The following ZNF124 variants were observed in gnomAD, a reference collection of about 807,000 sequenced individuals.
The protein encoded by ZNF124 is zinc finger protein HZF-16.
Under a neutral mutation model 26.6 loss-of-function variants are expected in ZNF124, and 25 were observed. The observed-to-expected ratio is 0.94, with a 90% CI of 0.68 to 1.31. The LOEUF (loss-of-function observed/expected upper bound fraction) is 1.31. Among genes scored for constraint, ZNF124 ranks in the 40% most tolerant of loss-of-function variants. ZNF124 has a pLI of 0.00. For missense variants in ZNF124, 444 were observed against 422.2 expected (o/e 1.05, Z -0.45); for synonymous variants, 129 against 133.3 (o/e 0.97, Z 0.22).
At chr1:247,158,868 A>G in intron 3 of ZNF124, 138 bp downstream of exon 3, 1 of 712,378 alleles carries the variant, frequency 1.4e-6, no homozygotes, top group Non-Finnish European at 2.3e-6. Context: ...ACCTCAGGTG[A>G]TCCGCCCACC....
intron 3 of ZNF124, among the ~76,000 whole-genome samples, chr1:247,148,116 A>G (rs1418339771): frequency 1.3e-5 from 2 of 152,148 alleles, no homozygotes; most frequent in African/African-American, 4.8e-5. Context: ...AGCTTTGTGG[A>G]CTCCTCATTC....
intron 3 of ZNF124, among the ~76,000 whole-genome samples, chr1:247,134,305 C>G (rs1672435876): frequency 6.6e-6 from 1 of 152,160 alleles, no homozygotes; most frequent in African/African-American, 2.4e-5. Context: ...AAGACTTGGA[C>G]TGGCAAATTG....
At chr1:247,126,428 C>T (rs1414661085) in intron 3 of ZNF124, among the ~76,000 whole-genome samples, 1 of 32,206 alleles carries the variant, frequency 3.1e-5, no homozygotes, top group African/African-American at 1.5e-4. Context: ...GTGTGCCCGG[C>T]CTTTGTCTCT....
Position 247,156,933 on chromosome 1 carries a change from C to G in ZNF124, c.689G>C (p.Gly230Ala), listed in dbSNP as rs768979801. The G allele has an allele frequency of 1.2e-6, 2 of 1,613,766 alleles. No homozygotes were observed. The highest frequency in any genetic ancestry group is 2.2e-5 in the East Asian group (1 of 44,876). The change falls in exon 4 of 4, where the codon GGA becomes GCA. Residue 230 changes from glycine (G) to alanine (A), a missense_variant. Gly to Ala is a moderately conservative substitution (Grantham distance 60). Coordinates refer to ENST00000543802, the MANE Select transcript of ZNF124 (RefSeq NM_001297568.2). ...CLHYHERTHT[G>A]EKPYVCMECG... ...TTCCATGCACACATAAGGTTTCTCT[C>G]CAGTGTGAGTTCTTTCATGGTAATG...
intron 3 of ZNF124, among the ~76,000 whole-genome samples, chr1:247,124,773 T>C (rs1672167919): frequency 6.6e-6 from 1 of 152,124 alleles, no homozygotes; most frequent in African/African-American, 2.4e-5. Context: ...TCAAGGTTCA[T>C]TCATGTTGTA....
intron 3 of ZNF124, among the ~76,000 whole-genome samples, chr1:247,143,531 A>G (rs3844080): frequency 0.48 from 72,577 of 152,040 alleles, 20,857 homozygotes; most frequent in African/African-American, 0.81. Flanking sequence ...TTTACTACAC[A>G]CAGACTGGAA....
chr1:247,127,727 C>T (rs1043797413), intron 3 of ZNF124, among the ~76,000 whole-genome samples: 4 of 149,068 alleles, frequency 2.7e-5, no homozygotes, highest in African/African-American at 9.8e-5. Flanking sequence ...CTTGCTCAAT[C>T]GATCACGACC....
At chr1:247,123,709 T>C in exon 4 of ZNF124, 1 of 580,356 alleles carries the variant, frequency 1.7e-6, no homozygotes, top group Non-Finnish European at 3.1e-6. Context: ...GAAGAGTTAC[T>C]TTCCAGGACT....
At chr1:247,158,878 C>G in intron 3 of ZNF124, 128 bp downstream of exon 3, 7 of 815,772 alleles carry the variant, frequency 8.6e-6, no homozygotes, top group Non-Finnish European at 1.1e-5. Flanking sequence ...ATCCGCCCAC[C>G]TCAGCATCCC....
At chr1:247,148,044 G>A (rs1672832295) in intron 3 of ZNF124, among the ~76,000 whole-genome samples, 1 of 152,232 alleles carries the variant, frequency 6.6e-6, no homozygotes, top group Non-Finnish European at 1.5e-5. Flanking sequence ...GCAGCCTGTT[G>A]ACTGCTTTCA....
chr1:247,162,963 C>CA (rs1673570525), intron 1 of ZNF124, among the ~76,000 whole-genome samples: 1 of 152,020 alleles, frequency 6.6e-6, no homozygotes, highest in Non-Finnish European at 1.5e-5. Flanking sequence ...AACTCTTCAC[C>CA]AAAAAACAAC....
At chr1:247,125,674 C>CCCGCCTTGGCCTCCCAAAGT (rs1402772635) in intron 3 of ZNF124, among the ~76,000 whole-genome samples, 4 of 151,046 alleles carry the variant, frequency 2.6e-5, no homozygotes, top group Admixed American at 6.6e-5. Flanking sequence ...TCGTGATCGG[C>CCCGCCTTGGCCTCCCAAAGT]GCCGGCGCCG....
chr1:247,132,894 T>C (rs570164613), intron 3 of ZNF124, among the ~76,000 whole-genome samples: 1 of 152,296 alleles, frequency 6.6e-6, no homozygotes, highest in Non-Finnish European at 1.5e-5. Context: ...GGGACGGAAT[T>C]GCTCACTCAG....
At chr1:247,152,418 T>C (rs1253949945), downstream of ZNF124, among the ~76,000 whole-genome samples, 1 of 151,722 alleles carries the variant, frequency 6.6e-6, no homozygotes, top group African/African-American at 2.4e-5. Flanking sequence ...AGAGTAGGTA[T>C]TGTGAACGCA....
At chr1:247,147,015 G>T (rs1159933238) in intron 3 of ZNF124, among the ~76,000 whole-genome samples, 1 of 152,046 alleles carries the variant, frequency 6.6e-6, no homozygotes, top group African/African-American at 2.4e-5. Flanking sequence ...GTGCAAATTT[G>T]GGGGGAGTTA....
intron 3 of ZNF124, among the ~76,000 whole-genome samples, chr1:247,134,641 C>CTG (rs1265148332): frequency 6.6e-6 from 1 of 152,200 alleles, no homozygotes; most frequent in African/African-American, 2.4e-5. Flanking sequence ...AATTACACTC[C>CTG]TGTGTAATAA....
intron 3 of ZNF124, among the ~76,000 whole-genome samples, chr1:247,148,951 CAG>C (rs1363627167): frequency 6.6e-6 from 1 of 150,986 alleles, no homozygotes; most frequent in African/African-American, 2.4e-5. Context: ...GCCTGGGTGA[CAG>C]AGTGAGACTC....
rs80003370 is a variant in ZNF124 at position 247,123,227 on chromosome 1, C to T, written c.*641G>A. 219 of 151,894 alleles carry T rather than the reference C, an allele frequency of 1.4e-3. 6 individuals carry two copies. In the East Asian group the frequency reaches 0.038, roughly 26 times the overall value. 9.4% of individuals were successfully genotyped at this position (151,894 alleles called of 1,614,324 possible). A position where few individuals can be genotyped will look rare whatever the true frequency, so the allele number is the denominator to read the frequency against. ...TTTTTTTTTTTCTGAGACGGAGTCT[C>T]GCTCTGTCACGCAGGCTGGAGTACA... On this transcript the variant is annotated 3_prime_UTR_variant, in exon 4 of 4. Transcript: ENST00000472531.
intron 3 of ZNF124, among the ~76,000 whole-genome samples, chr1:247,135,889 A>T (rs1045449747): frequency 6.6e-6 from 1 of 152,222 alleles, no homozygotes. Flanking sequence ...AAATCAATAA[A>T]CATAATCCAT....
Sources: allele counts gnomAD v4.1 joint callset (sites outside exome capture counted in the v4.1 genomes callset), GRCh38; gene constraint gnomAD v4.1.1; transcripts MANE v1.5; gene names NCBI Gene and HGNC (gene_info 2026-07-23, HGNC 2026-07-21).